DLG5: variants seen among roughly 807,000 people sequenced by gnomAD.
DLG5 encodes the protein disks large homolog 5.
DLG5 carries 48 observed loss-of-function variants against 189.8 expected under a neutral mutation model. The ratio of observed to expected loss-of-function variants is 0.25; its 90% CI spans 0.20 to 0.32. The LOEUF is 0.32. Ranked by LOEUF, DLG5 falls within the 10% of genes least tolerant of loss-of-function variation. DLG5 has a pLI of 1.00. For missense variants in DLG5, 2,160 were observed against 2,544.7 expected, an observed-to-expected ratio of 0.85 and a Z score of 3.25; for synonymous variants, 1,016 against 1,054.1, an observed-to-expected ratio of 0.96 and a Z score of 0.70.
chr10:77,809,401 G>T, intron 24 of DLG5, 146 bp downstream of exon 24: 1 of 865,836 alleles, frequency 1.2e-6, no homozygotes, highest in Non-Finnish European at 1.8e-6. Context: ...GCAAGACTCT[G>T]CCTCAACAAC....
At chr10:77,863,479 G>A (rs1461604914) in intron 2 of DLG5, among the ~76,000 whole-genome samples, 3 of 152,100 alleles carry the variant, frequency 2.0e-5, no homozygotes, top group Admixed American at 6.6e-5. Context: ...AAAGAGATGA[G>A]GACCAACCTC....
chr10:77,926,530 C>T lies in DLG5; in HGVS notation c.-10G>A. ...GGCGCTGGGGCTCCATGGTGGCGGG[C>T]CGCGCCGCCCCGCCCCGCCGGACGC... On this transcript the variant is annotated 5_prime_UTR_variant, in exon 1 of 32. Coordinates refer to ENST00000372391, the MANE Select transcript of DLG5 (RefSeq NM_004747.4). This position sits in a 1 kb window ranked among gnomAD's most constrained non-coding sequence, Gnocchi z 5.2. The T allele has an allele frequency of 7.9e-7, 1 of 1,262,044 alleles. No homozygotes were observed. The highest frequency in any genetic ancestry group is 4.2e-5 in the Admixed American group (1 of 23,860). 78.2% of individuals were successfully genotyped at this position (1,262,044 alleles called of 1,614,324 possible).
At chr10:77,905,359 T>C (rs1846044035) in intron 1 of DLG5, among the ~76,000 whole-genome samples, 1 of 152,108 alleles carries the variant, frequency 6.6e-6, no homozygotes, top group Non-Finnish European at 1.5e-5. Context: ...GGAGTGGTTG[T>C]TTTCCTAGAC....
rs2165046 is a variant in DLG5, at chr10:77,792,334, C to T, written c.*106G>A. 437,705 of 1,152,574 alleles carry T rather than the reference C, an allele frequency of 0.38. 86,074 individuals are homozygous for T. Among genetic ancestry groups the T allele is most frequent in the African/African-American group, 0.61 (40,231 of 65,790 alleles). The allele number at this position is 1,152,574 out of a possible 1,614,324, so 71.4% of individuals were successfully genotyped here. On this transcript the variant is annotated 3_prime_UTR_variant, in exon 32 of 32. Coordinates refer to ENST00000372391, the MANE Select transcript of DLG5 (RefSeq NM_004747.4). ...GGGTCCTGGTTCCGGATCCTTCCCC[C>T]GCATGTTCATAGACGGACAGACTTC...
intron 1 of DLG5, among the ~76,000 whole-genome samples, chr10:77,873,734 T>C (rs534804731): frequency 6.6e-6 from 1 of 152,194 alleles, no homozygotes; most frequent in African/African-American, 2.4e-5. Flanking sequence ...AAGGAACTTG[T>C]TCCAGCCTTG....
intron 7 of DLG5, among the ~76,000 whole-genome samples, chr10:77,836,831 A>AT (rs963006531): frequency 5.0e-4 from 74 of 149,454 alleles, no homozygotes; most frequent in African/African-American, 1.7e-3. Flanking sequence ...TTCAGTTTTG[A>AT]TTTTTTTTTC....
chr10:77,816,916 T>C, intron 19 of DLG5, 91 bp downstream of exon 19: 1 of 1,469,322 alleles, frequency 6.8e-7, no homozygotes, highest in Non-Finnish European at 9.5e-7. Flanking sequence ...CTGAGATGAC[T>C]ATGAAGTTCT....
At chr10:77,875,960 G>A (rs1845074558) in intron 1 of DLG5, among the ~76,000 whole-genome samples, 2 of 152,088 alleles carry the variant, frequency 1.3e-5, no homozygotes, top group Non-Finnish European at 2.9e-5. Context: ...GTATTTCAGG[G>A]AGGTATAGGT....
chr10:77,896,746 G>A (rs925914353), intron 1 of DLG5, among the ~76,000 whole-genome samples: 4 of 151,882 alleles, frequency 2.6e-5, no homozygotes, highest in African/African-American at 9.7e-5. Context: ...TTGAACCCAG[G>A]AGGCAGAGGT....
chr10:77,796,250 G>A lies in DLG5; in HGVS notation c.5309-62C>T. On this transcript the variant is annotated intron_variant, in intron 28 of 31. Coordinates refer to ENST00000372391, the MANE Select transcript of DLG5 (RefSeq NM_004747.4). The surrounding 1 kb of genome is among the most constrained non-coding windows in gnomAD (Gnocchi z 5.2). ...GCCCTGCTGAGCCCCAGCAGAGGGA[G>A]CAGGGGAAGAACACTGCTCAGCAGC... 9.3e-6 allele frequency: 15 copies of A among 1,612,286 alleles called. No individual in the cohort carries two copies. The highest frequency in any genetic ancestry group is 1.2e-5 in the Non-Finnish European group (14 of 1,179,354).
chr10:77,934,962 A>G, the DLG5 span, among the ~76,000 whole-genome samples: 1 of 148,176 alleles, frequency 6.7e-6, no homozygotes, highest in Non-Finnish European at 1.5e-5. Context: ...GGCTCATGCC[A>G]TTCTCCTGCC....
In DLG5 at chr10:77,809,534, G is replaced by A. The variant is rs1430550619; in HGVS notation, c.4647+13C>T. The A allele has an allele frequency of 6.2e-7, 1 of 1,608,484 alleles. No homozygotes were observed. The highest frequency in any genetic ancestry group is 1.3e-5 in the African/African-American group (1 of 74,810). ...AGATGGAGGCCTGGCCTGCTCAGCA[G>A]CTCAGAACTCACCTCCAGGATGAGG... On this transcript the variant is annotated intron_variant, in intron 24 of 31. Coordinates refer to ENST00000372391, the MANE Select transcript of DLG5 (RefSeq NM_004747.4).
chr10:77,870,840 G>A (rs1272813836), intron 1 of DLG5, among the ~76,000 whole-genome samples: 5 of 152,146 alleles, frequency 3.3e-5, no homozygotes, highest in Admixed American at 6.5e-5. Flanking sequence ...GCCCCTGGGG[G>A]ACAGGAGAGA....
At chr10:77,852,945 T>C (rs1844053238) in intron 5 of DLG5, among the ~76,000 whole-genome samples, 2 of 152,162 alleles carry the variant, frequency 1.3e-5, no homozygotes, top group East Asian at 3.9e-4. Context: ...CGGGAAACAG[T>C]GCCAACCCAA....
chr10:77,806,718 A>ACGGCCCCCCCCCC, intron 26 of DLG5, 40 bp downstream of exon 26: 3 of 1,333,654 alleles, frequency 2.2e-6, no homozygotes, highest in Non-Finnish European at 3.2e-6. Flanking sequence ...GCCCTCGGCG[A>ACGGCCCCCCCCCC]CCCCTGCCCC....
At chr10:77,844,054 T>C (rs1318573327) in intron 5 of DLG5, among the ~76,000 whole-genome samples, 1 of 152,186 alleles carries the variant, frequency 6.6e-6, no homozygotes, top group African/African-American at 2.4e-5. Context: ...TAGGCTGATG[T>C]AAAACTTTTC....
At chr10:77,794,674 T>A (rs111938128) in intron 30 of DLG5, among the ~76,000 whole-genome samples, 175 bp downstream of exon 30, 71 of 152,202 alleles carry the variant, frequency 4.7e-4, no homozygotes, top group African/African-American at 1.5e-3. Flanking sequence ...CACCTCTGAG[T>A]AGGGGACAGG....
chr10:77,862,985 A>G (rs1011316995), intron 2 of DLG5, among the ~76,000 whole-genome samples: 5 of 152,246 alleles, frequency 3.3e-5, no homozygotes, highest in Admixed American at 3.3e-4. Context: ...TTTGCATCTT[A>G]AAAGTAGCAA....
At chr10:77,805,959 C>A in intron 26 of DLG5, 98 bp from the exon 27 acceptor site, 1 of 1,199,638 alleles carries the variant, frequency 8.3e-7, no homozygotes, top group Non-Finnish European at 1.2e-6. Flanking sequence ...GGGCCAGACA[C>A]TGGGCTCCCC....
Sources: gnomAD v4.1 joint callset for allele counts (sites outside exome capture counted in the v4.1 genomes callset) on GRCh38, gnomAD v4.1.1 for gene constraint, Gnocchi (gnomAD v3.1) non-coding constraint, MANE v1.5 for transcripts, NCBI Gene and HGNC (gene_info 2026-07-23, HGNC 2026-07-21) for gene names.